ENKUR: variants seen among roughly 807,000 people sequenced by gnomAD.
ENKUR encodes enkurin.
A neutral mutation model predicts 27.6 loss-of-function variants in ENKUR; 19 were observed. The ratio of observed to expected loss-of-function variants is 0.69; its 90% CI spans 0.48 to 1.01. The LOEUF is 1.01. Ranked by LOEUF, ENKUR falls within the 50% of genes least tolerant of loss-of-function variation. The pLI is 0.00. For synonymous variants in ENKUR, 117 were observed against 96.9 expected (o/e 1.21, Z -1.22); for missense variants, 312 against 310.5 (o/e 1.00, Z -0.04).
chr10:25,054,895 G>T (rs1376364572), intron 2 of ENKUR, among the ~76,000 whole-genome samples: 2 of 151,964 alleles, frequency 1.3e-5, no homozygotes, highest in African/African-American at 4.8e-5. Flanking sequence ...AACAGATCTC[G>T]AACTCCTGAG....
At chr10:25,050,470 G>C (rs1166227934) in intron 2 of ENKUR, among the ~76,000 whole-genome samples, 1 of 152,152 alleles carries the variant, frequency 6.6e-6, no homozygotes, top group African/African-American at 2.4e-5. Flanking sequence ...ATGTGCAGGG[G>C]AACTGCCCTT....
In ENKUR at chr10:25,014,448, A is replaced by G. The variant is rs145775960; in HGVS notation, c.77+1412T>C. ...GCACCAAGAACAGATATACTAGTGC[A>G]ATATTATACACATAATAGGGGCTCC... is the stretch of plus-strand genomic sequence containing the variant. On this transcript the variant is annotated intron_variant, in intron 1 of 5. Transcript: ENST00000331161. 1.1e-3 allele frequency among the ~76,000 whole-genome samples: 175 copies of G among 152,336 alleles called. 2 individuals are homozygous for G. In the East Asian group the frequency reaches 0.027, roughly 24 times the overall value.
At chr10:25,010,585 C>A (rs1850419019) in intron 1 of ENKUR, among the ~76,000 whole-genome samples, 2 of 151,126 alleles carry the variant, frequency 1.3e-5, no homozygotes, top group African/African-American at 4.9e-5. Context: ...CTAATGCTAT[C>A]CCTCCCCCCT....
At chr10:24,986,523 A>C (rs1446661784) in intron 4 of ENKUR, among the ~76,000 whole-genome samples, 1 of 152,236 alleles carries the variant, frequency 6.6e-6, no homozygotes, top group African/African-American at 2.4e-5. Context: ...TGAAATGTGA[A>C]AGAGGTTCCC....
upstream of ENKUR, chr10:25,016,693 G>A (rs955863518): frequency 6.6e-6 from 1 of 152,404 alleles, no homozygotes; most frequent in Non-Finnish European, 1.5e-5. Flanking sequence ...CTAGCTGCAG[G>A]TACGGTGCTC....
intron 2 of ENKUR, among the ~76,000 whole-genome samples, chr10:25,046,914 G>A (rs1343997836): frequency 6.6e-6 from 1 of 152,146 alleles, no homozygotes; most frequent in African/African-American, 2.4e-5. Context: ...AGAAATTCAG[G>A]ATGTTTCAGT....
At position 25,025,166 on chromosome 10, in the gene ENKUR, T is replaced by G. The variant is rs926133082; in HGVS notation, c.38-29297A>C. The G allele has an allele frequency of 2.5e-6, 4 of 1,614,030 alleles. No individual in the cohort carries two copies. In the African/African-American group the frequency reaches 5.3e-5, roughly 22 times the overall value. On this transcript the variant is annotated intron_variant, in intron 2 of 5. Coordinates refer to the ENKUR transcript ENST00000615958. ...GATCCACACACTGCTGTTGCAAAAG[T>G]GGTTGCAGATAGGGTGCAAGACAAA...
Position 24,999,487 on chromosome 10 carries a change from A to C in ENKUR, c.137T>G (p.Met46Arg). 6.2e-7 allele frequency: 1 copy of C among 1,613,130 alleles called. No homozygotes were observed. The highest frequency in any genetic ancestry group is 2.2e-5 in the East Asian group (1 of 44,812). The change falls in exon 2 of 6, where the codon ATG becomes AGG. Residue 46 changes from methionine to arginine, a missense_variant. Coordinates refer to ENST00000331161, the MANE Select transcript of ENKUR (RefSeq NM_145010.4). The stretch of plus-strand genomic sequence containing the variant: ...AACTTTTGCTGGTCCCATAGTTTTC[A>C]TTGCAGTTTTAGCTTTTTGCATGTC... ...KDDMQKAKTA[M>R]KTMGPAKVEV...
chr10:25,013,560 A>C (rs1167052982), intron 1 of ENKUR, among the ~76,000 whole-genome samples: 1 of 152,248 alleles, frequency 6.6e-6, no homozygotes, highest in Non-Finnish European at 1.5e-5. Context: ...TAATGGTTTC[A>C]TGGACTGTTC....
upstream of ENKUR, among the ~76,000 whole-genome samples, chr10:25,020,092 G>A (rs1458558520): frequency 6.6e-6 from 1 of 151,932 alleles, no homozygotes; most frequent in African/African-American, 2.4e-5. Flanking sequence ...TTAGTATGTA[G>A]CTTAAAATAG....
intron 1 of ENKUR, among the ~76,000 whole-genome samples, chr10:25,014,116 C>A (rs979695524): frequency 1.3e-5 from 2 of 152,150 alleles, no homozygotes; most frequent in East Asian, 1.9e-4. Context: ...AAGTGCCTTT[C>A]ATCCGATTTT....
At position 24,995,727 on chromosome 10, in the gene ENKUR, T is replaced by C. The variant is rs925803452; in HGVS notation, c.366A>G (p.Lys122=). 9 of 1,614,052 alleles carry C rather than the reference T, an allele frequency of 5.6e-6. No individual in the cohort carries two copies. The highest frequency in any genetic ancestry group is 7.6e-6 in the Non-Finnish European group (9 of 1,179,992). ...CAGTTCTTTTATCAACATAAATTGGTTTAGGCTTTTTAGCCACTCCCATGA... is the reference window on the plus strand; with the variant it reads ...CAGTTCTTTTATCAACATAAATTGGCTTAGGCTTTTTAGCCACTCCCATGA... ...DIIMGVAKKP[K]PIYVDKRTGD... The change falls in exon 3 of 6, where the codon AAA becomes AAG. Residue 122 remains lysine (K), a synonymous_variant. Transcript: ENST00000331161.
chr10:25,032,682 G>C (rs924656483), intron 2 of ENKUR, among the ~76,000 whole-genome samples: 3 of 152,148 alleles, frequency 2.0e-5, no homozygotes, highest in Non-Finnish European at 4.4e-5. Flanking sequence ...TTTCATGCCA[G>C]AGACATAGAT....
chr10:25,023,636 A>C, intron 2 of ENKUR: 3 of 1,614,228 alleles, frequency 1.9e-6, no homozygotes, highest in Non-Finnish European at 2.5e-6. Flanking sequence ...AATCCAATGC[A>C]TGATGCTAGC....
chr10:25,014,020 C>T (rs1850509780), intron 1 of ENKUR, among the ~76,000 whole-genome samples: 1 of 152,044 alleles, frequency 6.6e-6, no homozygotes, highest in African/African-American at 2.4e-5. Flanking sequence ...TCATGAGTAA[C>T]TCAAATTTTG....
intron 2 of ENKUR, among the ~76,000 whole-genome samples, chr10:25,028,990 A>G (rs1430312128): frequency 6.6e-6 from 1 of 152,206 alleles, no homozygotes; most frequent in Admixed American, 6.5e-5. Context: ...AAATTCATCC[A>G]TTCAGATGAA....
chr10:25,052,927 G>T (rs1412400466), intron 2 of ENKUR, among the ~76,000 whole-genome samples: 1 of 151,910 alleles, frequency 6.6e-6, no homozygotes, highest in Non-Finnish European at 1.5e-5. Context: ...GCGCCACCAT[G>T]CCTGGCTAAT....
intron 2 of ENKUR, among the ~76,000 whole-genome samples, chr10:25,040,245 G>A (rs1851048331): frequency 1.3e-5 from 2 of 152,296 alleles, no homozygotes; most frequent in South Asian, 2.1e-4. Flanking sequence ...GATTCAAGGT[G>A]TGGGGAAACA....
intron 1 of ENKUR, among the ~76,000 whole-genome samples, chr10:25,005,043 G>A (rs1209105092): frequency 6.6e-6 from 1 of 151,960 alleles, no homozygotes; most frequent in African/African-American, 2.4e-5. Context: ...TGTGTTTGTC[G>A]GGTTTGTCAA....
Sources: gnomAD v4.1 joint callset for allele counts (sites outside exome capture counted in the v4.1 genomes callset) on GRCh38, gnomAD v4.1.1 for gene constraint, MANE v1.5 for transcripts, NCBI Gene and HGNC (gene_info 2026-07-23, HGNC 2026-07-21) for gene names.